The following DDX60L variants were observed in gnomAD, a reference collection of about 807,000 sequenced individuals.
The protein encoded by DDX60L is DExD/H-box 60 like.
DDX60L carries 191 observed loss-of-function variants against 211.6 expected under a neutral mutation model. That is an observed-to-expected ratio of 0.90 (90% CI 0.80 to 1.02). DDX60L has a LOEUF of 1.02. DDX60L is among the 50% of genes least tolerant of loss of function. The pLI is 0.00. For missense variants in DDX60L, 2,007 were observed against 1,984.1 expected, an observed-to-expected ratio of 1.01 and a Z score of -0.22; for synonymous variants, 706 against 694.1, an observed-to-expected ratio of 1.02 and a Z score of -0.27.
At chr4:168,373,207 C>A (rs1741337472) in intron 35 of DDX60L, among the ~76,000 whole-genome samples, 2 of 152,126 alleles carry the variant, frequency 1.3e-5, no homozygotes, top group Admixed American at 1.3e-4. Flanking sequence ...ATTTATTTCT[C>A]ATATTTCAAA....
Position 168,427,206 on chromosome 4 carries a change from C to A in DDX60L, c.1794G>T (p.Lys598Asn). 1.2e-6 allele frequency: 2 copies of A among 1,613,426 alleles called. No individual in the cohort carries two copies. The highest frequency in any genetic ancestry group is 1.1e-5 in the South Asian group (1 of 91,008). The change falls in exon 14 of 38, where the codon AAG becomes AAT. Residue 598 changes from lysine (K) to asparagine (N), a missense_variant. Physicochemically the swap from Lys to Asn is moderately conservative, Grantham distance 94 (BLOSUM62 0). Transcript: ENST00000682922. Reference protein sequence around the residue: ...DLLFSIEEEMKNNLHSGIRKL... With the variant: ...DLLFSIEEEMNNNLHSGIRKL... ...TCCTTATTCCAGAATGTAAATTGTT[C>A]TTCATCTCCTCTTCAATAGAAAACA...
chr4:168,438,057 T>C (rs1352669089), intron 10 of DDX60L, among the ~76,000 whole-genome samples: 1 of 152,038 alleles, frequency 6.6e-6, no homozygotes, highest in Non-Finnish European at 1.5e-5. Flanking sequence ...GTATTTTTAG[T>C]AAAGATGGGG....
intron 10 of DDX60L, 122 bp downstream of exon 10, chr4:168,441,215 G>A (rs1161443917): frequency 1.6e-5 from 15 of 930,052 alleles, no homozygotes; most frequent in Non-Finnish European, 3.2e-6. Context: ...CAATTAAGAG[G>A]TAAACAAGAA....
intron 36 of DDX60L, among the ~76,000 whole-genome samples, chr4:168,367,814 T>C (rs1245342376): frequency 6.6e-6 from 1 of 152,230 alleles, no homozygotes; most frequent in Non-Finnish European, 1.5e-5. Context: ...AGCTCTTGTA[T>C]GTTTTAGCAA....
chr4:168,471,373 G>GAAA (rs1478280081), intron 4 of DDX60L: 2 of 156,180 alleles, frequency 1.3e-5, no homozygotes, highest in African/African-American at 4.8e-5. Flanking sequence ...ACCTGTATTT[G>GAAA]AAATTTTATA....
intron 3 of DDX60L, among the ~76,000 whole-genome samples, 152 bp downstream of exon 3, chr4:168,472,303 A>C (rs1198760802): frequency 6.6e-6 from 1 of 152,198 alleles, no homozygotes; most frequent in Non-Finnish European, 1.5e-5. Context: ...AGCTAAGACA[A>C]CTATAGGAAG....
At chr4:168,420,686 C>T (rs2712153) in intron 17 of DDX60L, among the ~76,000 whole-genome samples, 6,985 of 85,216 alleles carry the variant, frequency 0.082, 200 homozygotes, top group African/African-American at 0.12. Flanking sequence ...GATAGATAGA[C>T]AGACAGACAG....
At chr4:168,401,056 C>A in intron 25 of DDX60L, 78 bp from the exon 26 acceptor site, 2 of 1,326,830 alleles carry the variant, frequency 1.5e-6, no homozygotes, top group Non-Finnish European at 2.1e-6. Flanking sequence ...AATTATAAGG[C>A]CCCTCAATCA....
intron 8 of DDX60L, 41 bp from the exon 9 acceptor site, chr4:168,448,820 G>C (rs1258142211): frequency 6.4e-7 from 1 of 1,568,922 alleles, no homozygotes; most frequent in Non-Finnish European, 8.7e-7. Context: ...GGGAGGCATG[G>C]AATAATTTCA....
intron 10 of DDX60L, among the ~76,000 whole-genome samples, chr4:168,433,343 G>T (rs1459554638): frequency 6.6e-6 from 1 of 151,960 alleles, no homozygotes; most frequent in African/African-American, 2.4e-5. Context: ...GATGGTAGCA[G>T]ATCACTAGAT....
At chr4:168,475,842 T>A (rs1759408101) in intron 1 of DDX60L, among the ~76,000 whole-genome samples, 1 of 152,010 alleles carries the variant, frequency 6.6e-6, no homozygotes, top group African/African-American at 2.4e-5. Flanking sequence ...AGGACTGGTG[T>A]CTTCTTAAGA....
intron 22 of DDX60L, 112 bp from the exon 23 acceptor site, chr4:168,406,818 G>T: frequency 1.3e-6 from 1 of 749,740 alleles, no homozygotes; most frequent in Non-Finnish European, 2.1e-6. Flanking sequence ...TGAATCCAGG[G>T]ACATTAAAAG....
At chr4:168,463,318 T>C (rs945118163) in intron 4 of DDX60L, among the ~76,000 whole-genome samples, 1 of 152,198 alleles carries the variant, frequency 6.6e-6, no homozygotes, top group Admixed American at 6.5e-5. Context: ...AATGAGATCA[T>C]GTCCCAAATG....
chr4:168,447,522 C>T (rs1450551661), intron 9 of DDX60L, among the ~76,000 whole-genome samples: 1 of 151,962 alleles, frequency 6.6e-6, no homozygotes, highest in Non-Finnish European at 1.5e-5. Flanking sequence ...CCCAGCCATC[C>T]CATTACTGGG....
At chr4:168,406,526 T>G in intron 23 of DDX60L, 76 bp downstream of exon 23, 1 of 1,020,544 alleles carries the variant, frequency 9.8e-7, no homozygotes, top group Non-Finnish European at 1.5e-6. Flanking sequence ...TGTGCTTACC[T>G]GTAGAGTAAT....
chr4:168,455,493 G>A (rs1377777401), intron 7 of DDX60L, among the ~76,000 whole-genome samples: 1 of 152,076 alleles, frequency 6.6e-6, no homozygotes, highest in Non-Finnish European at 1.5e-5. Context: ...ACAAGCTGTG[G>A]AGCCAACCAT....
chr4:168,384,461 T>A, intron 30 of DDX60L, 151 bp downstream of exon 30: 3 of 964,278 alleles, frequency 3.1e-6, no homozygotes, highest in Non-Finnish European at 4.6e-6. Context: ...CACTCCAGCC[T>A]AGATGACACA....
chr4:168,359,105 C>T (rs913660816), intron 37 of DDX60L, among the ~76,000 whole-genome samples: 18 of 152,156 alleles, frequency 1.2e-4, no homozygotes, highest in Non-Finnish European at 2.4e-4. Flanking sequence ...ACATGCTATT[C>T]GAGCATTGCA....
Position 168,456,235 on chromosome 4 carries a change from T to A in DDX60L, c.724-83A>T, listed in dbSNP as rs1756553338. On this transcript the variant is annotated intron_variant, in intron 6 of 37. Transcript: ENST00000682922. Reference sequence around the variant, plus strand: ...GAAGTGCTCTTACTTGTAAGAAACATAAAGAAAACGATTGTATAGATTTGA... The same window carrying A: ...GAAGTGCTCTTACTTGTAAGAAACAAAAAGAAAACGATTGTATAGATTTGA... 6.6e-6 allele frequency: 5 copies of A among 752,956 alleles called. No individual in the cohort carries two copies. In the East Asian group the frequency reaches 1.7e-4, roughly 25 times the overall value. The allele number at this position is 752,956 out of a possible 1,614,324, so 46.6% of individuals were successfully genotyped here. A position where few individuals can be genotyped will look rare whatever the true frequency, so the allele number is the denominator to read the frequency against.
Sources: allele counts gnomAD v4.1 joint callset (sites outside exome capture counted in the v4.1 genomes callset), GRCh38; gene constraint gnomAD v4.1.1; transcripts MANE v1.5; gene names NCBI Gene and HGNC (gene_info 2026-07-23, HGNC 2026-07-21).